The following TMEM131 variants were observed in gnomAD, a reference collection of about 807,000 sequenced individuals.
TMEM131 encodes the protein 2610524E03Rik.
In TMEM131, 66 loss-of-function variants were observed where a neutral mutation model predicts 211.6. The observed-to-expected ratio is 0.31, with a 90% CI of 0.26 to 0.38. TMEM131 has a LOEUF of 0.38. TMEM131 is among the 10% of genes least tolerant of loss of function. The probability of loss-of-function intolerance (pLI) is 1.00; values close to 1 mark genes in which losing one functional copy is unlikely to be tolerated. For synonymous variants in TMEM131, 844 were observed against 841.3 expected (o/e 1.00, Z -0.06); for missense variants, 2,036 against 2,299.3 (o/e 0.89, Z 2.34).
chr2:97,772,249 A>G, intron 33 of TMEM131, 48 bp downstream of exon 33: 1 of 1,573,032 alleles, frequency 6.4e-7, no homozygotes, highest in Non-Finnish European at 8.6e-7. Flanking sequence ...GGTTTTCGCC[A>G]GCAACTTCTT....
chr2:97,983,882 G>A (rs186900766), intron 1 of TMEM131, among the ~76,000 whole-genome samples: 1 of 152,262 alleles, frequency 6.6e-6, no homozygotes, highest in Non-Finnish European at 1.5e-5. Flanking sequence ...AACCATAACT[G>A]TGGCAGTCAG....
intron 8 of TMEM131, among the ~76,000 whole-genome samples, chr2:97,836,069 A>G (rs755349585): frequency 6.6e-6 from 1 of 152,368 alleles, no homozygotes; most frequent in East Asian, 1.9e-4. Context: ...ATTGTTTTAT[A>G]GATGATTTTT....
intron 1 of TMEM131, among the ~76,000 whole-genome samples, chr2:97,968,325 G>A (rs1036281232): frequency 6.6e-6 from 1 of 152,008 alleles, no homozygotes; most frequent in Non-Finnish European, 1.5e-5. Context: ...TATATATTAT[G>A]TATATCTCAA....
intron 31 of TMEM131, among the ~76,000 whole-genome samples, chr2:97,786,014 G>C (rs1052152721): frequency 6.6e-6 from 1 of 152,122 alleles, no homozygotes; most frequent in Non-Finnish European, 1.5e-5. Flanking sequence ...CAGACTAAGG[G>C]GTAGGCTGAA....
At chr2:97,864,882 TAGAAA>T (rs1674212134) in intron 4 of TMEM131, among the ~76,000 whole-genome samples, 1 of 152,174 alleles carries the variant, frequency 6.6e-6, no homozygotes. Context: ...CAACCTAGAA[TAGAAA>T]AGCTTGCCAG....
At chr2:97,759,084 T>C in intron 39 of TMEM131, 31 bp from the exon 40 acceptor site, 1 of 1,613,718 alleles carries the variant, frequency 6.2e-7, no homozygotes, top group Non-Finnish European at 8.5e-7. Flanking sequence ...ATCAAGTCCA[T>C]ATTTGGTTTT....
At chr2:97,812,897 G>T (rs900262712) in intron 15 of TMEM131, 148 bp from the exon 16 acceptor site, 1 of 456,918 alleles carries the variant, frequency 2.2e-6, no homozygotes, top group Non-Finnish European at 3.9e-6. Context: ...CCAGCTACTC[G>T]GAAGGCTGAG....
At chr2:97,851,093 T>C (rs1012678629) in intron 5 of TMEM131, among the ~76,000 whole-genome samples, 3 of 151,838 alleles carry the variant, frequency 2.0e-5, no homozygotes, top group African/African-American at 7.3e-5. Context: ...CACTGTACCA[T>C]AGCTCAGTCC....
chr2:97,892,724 T>C lies in TMEM131; in HGVS notation c.291-4604A>G, dbSNP rs1675432558. ...TAAAGCTTTGTCCAGTTTGCAAATA[T>C]TTCTATGAAAAGCTTGGTTTTATCC... On this transcript the variant is annotated intron_variant, in intron 3 of 40. Transcript: ENST00000186436. Among the ~76,000 whole-genome samples the C allele has an allele frequency of 2.0e-5, 3 of 152,302 alleles. No individual in the cohort carries two copies. In the South Asian group the frequency reaches 6.2e-4, roughly 32 times the overall value.
chr2:97,891,872 C>T (rs962877872), intron 3 of TMEM131, among the ~76,000 whole-genome samples: 9 of 151,698 alleles, frequency 5.9e-5, no homozygotes, highest in African/African-American at 2.2e-4. Flanking sequence ...CCCCAGAAAC[C>T]TGCATTTTTA....
chr2:97,776,999 ACTT>A (rs1679769467), intron 31 of TMEM131, among the ~76,000 whole-genome samples: 1 of 152,228 alleles, frequency 6.6e-6, no homozygotes, highest in South Asian at 2.1e-4. Context: ...AAAGCCAACT[ACTT>A]GGAAAAATCT....
In TMEM131 at chr2:97,824,645, G is replaced by A. The variant is rs186498076; in HGVS notation, c.1075-5924C>T. On this transcript the variant is annotated intron_variant, in intron 11 of 40. Coordinates refer to ENST00000186436, the MANE Select transcript of TMEM131 (RefSeq NM_015348.2). ...ATTTGTTGTCCCCTACTTGAGGAGG[G>A]AATCAACCCTGAAGTCTCTGCATTG... Among the ~76,000 whole-genome samples, 6 of 152,278 alleles carry A rather than the reference G, an allele frequency of 3.9e-5. No homozygotes were observed. The East Asian group carries it at 7.7e-4, about 20-fold the overall frequency.
At chr2:97,804,377 G>C (rs1004881676) in intron 22 of TMEM131, among the ~76,000 whole-genome samples, 3 of 152,016 alleles carry the variant, frequency 2.0e-5, no homozygotes, top group Admixed American at 6.6e-5. Flanking sequence ...AGAAAGGAAG[G>C]GGGTGGGCTG....
intron 4 of TMEM131, among the ~76,000 whole-genome samples, chr2:97,886,269 T>C (rs1675152864): frequency 6.6e-6 from 1 of 152,194 alleles, no homozygotes; most frequent in Non-Finnish European, 1.5e-5. Flanking sequence ...TATTTTCTTA[T>C]GATTGGGGTC....
chr2:97,774,614 A>G (rs1262805415), intron 32 of TMEM131, among the ~76,000 whole-genome samples: 2 of 152,216 alleles, frequency 1.3e-5, no homozygotes, highest in Non-Finnish European at 2.9e-5. Context: ...GCTAAGAATG[A>G]CATCAGTGGG....
chr2:97,834,548 G>T, intron 10 of TMEM131, 73 bp downstream of exon 10: 1 of 1,073,482 alleles, frequency 9.3e-7, no homozygotes, highest in Non-Finnish European at 1.3e-6. Flanking sequence ...ACATAGTAGA[G>T]CCATTCAGCA....
chr2:97,941,082 G>C (rs976917391), intron 1 of TMEM131, among the ~76,000 whole-genome samples: 1 of 152,068 alleles, frequency 6.6e-6, no homozygotes, highest in South Asian at 2.1e-4. Context: ...TATACTACAA[G>C]GCTACAGTAA....
At position 97,812,542 on chromosome 2, in the gene TMEM131, C is replaced by T; in HGVS notation, c.1742G>A (p.Ser581Asn). Residue 581 changes from serine (S) to asparagine (N), a missense_variant, in exon 17 of 41, where the codon AGT (serine) becomes AAT (asparagine). Physicochemically the swap from Ser to Asn is conservative, Grantham distance 46. Around this residue, in one of 3 missense-constraint regions of TMEM131, gnomAD observed 1,623 missense variants for 1,805.9 expected, o/e 0.90. Coordinates refer to ENST00000186436, the MANE Select transcript of TMEM131 (RefSeq NM_015348.2). The stretch of plus-strand genomic sequence containing the variant: ...TAAACCGTCTCCTATGATATGCCAA[C>T]TTTTTATAGCCAACTTTAAAAAAAG... ...NSNPIELAIK[S>N]WHIIGDGLSI... is the part of the protein sequence containing the mutation. 3 of 1,603,000 alleles carry T rather than the reference C, an allele frequency of 1.9e-6. No individual in the cohort carries two copies.
chr2:97,760,580 T>C lies in TMEM131; in HGVS notation c.5108+13A>G, dbSNP rs764718738. On this transcript the variant is annotated intron_variant, in intron 38 of 40. Transcript: ENST00000186436. Reference sequence around the variant, plus strand: ...CTTCCGTCTTTCTAGCGGTTAGTGGTGGTCTACCGTACCTGTCTGAGCCAT... The same window carrying C: ...CTTCCGTCTTTCTAGCGGTTAGTGGCGGTCTACCGTACCTGTCTGAGCCAT... 13 of 1,603,638 alleles carry C rather than the reference T, an allele frequency of 8.1e-6. No homozygotes were observed. In the Admixed American group the frequency reaches 2.1e-4, roughly 25 times the overall value.
Sources: allele counts gnomAD v4.1 joint callset (sites outside exome capture counted in the v4.1 genomes callset), GRCh38; gene constraint gnomAD v4.1.1; regional missense constraint gnomAD v4.1.1; transcripts MANE v1.5; gene names NCBI Gene and HGNC (gene_info 2026-07-23, HGNC 2026-07-21).